Variants in FHL2 observed in about 807,000 individuals in gnomAD.
FHL2 encodes the protein four and a half LIM domains protein 2.
Under a neutral mutation model 32.7 loss-of-function variants are expected in FHL2, and 20 were observed. The observed-to-expected ratio is 0.61, with a 90% CI of 0.43 to 0.89. The LOEUF is 0.89. FHL2 is among the 40% of genes least tolerant of loss of function. FHL2 has a pLI of 0.00. For synonymous variants in FHL2, 123 were observed against 128.1 expected, an observed-to-expected ratio of 0.96 and a Z score of 0.27; for missense variants, 311 against 358.6, an observed-to-expected ratio of 0.87 and a Z score of 1.07.
At chr2:105,383,297 G>A (rs183561731) in intron 3 of FHL2, among the ~76,000 whole-genome samples, 1 of 152,338 alleles carries the variant, frequency 6.6e-6, no homozygotes, top group Admixed American at 6.5e-5. Flanking sequence ...AGGTATCCAA[G>A]AAAAGGTTCA....
chr2:105,385,379 A>ATGCATG (rs1682228273), intron 3 of FHL2, among the ~76,000 whole-genome samples: 1 of 152,244 alleles, frequency 6.6e-6, no homozygotes, highest in Admixed American at 6.5e-5. Context: ...ATCCAACTGC[A>ATGCATG]TGCATGGCCT....
intron 4 of FHL2, among the ~76,000 whole-genome samples, chr2:105,372,473 CCTT>C (rs1306819814): frequency 6.6e-6 from 1 of 152,176 alleles, no homozygotes; most frequent in African/African-American, 2.4e-5. Flanking sequence ...GATCCGCCCT[CCTT>C]AGCCTTGCAA....
At chr2:105,395,206 A>G (rs900717775) in intron 2 of FHL2, among the ~76,000 whole-genome samples, 4 of 152,228 alleles carry the variant, frequency 2.6e-5, no homozygotes, top group Non-Finnish European at 4.4e-5. Context: ...CTCAAAACAC[A>G]TCAATTGCAG....
intron 1 of FHL2, among the ~76,000 whole-genome samples, chr2:105,429,054 T>TTATA (rs778817962): frequency 2.0e-5 from 3 of 152,232 alleles, no homozygotes; most frequent in Non-Finnish European, 2.9e-5. Flanking sequence ...CGTCCTATAC[T>TTATA]GCAGAGGAGA....
intron 4 of FHL2, among the ~76,000 whole-genome samples, chr2:105,369,424 T>C (rs1680865420): frequency 6.6e-6 from 1 of 152,208 alleles, no homozygotes; most frequent in South Asian, 2.1e-4. Flanking sequence ...ACGATTGTTA[T>C]TTAGGATCAT....
chr2:105,438,319 G>A (rs2104692785), intron 1 of FHL2: 2 of 966,574 alleles, frequency 2.1e-6, no homozygotes, highest in Non-Finnish European at 1.2e-6. Flanking sequence ...GCAACAAGAT[G>A]CCTACAGAGC....
intron 6 of FHL2, among the ~76,000 whole-genome samples, 184 bp from the exon 7 acceptor site, chr2:105,361,618 T>C (rs1309191427): frequency 6.6e-6 from 1 of 152,176 alleles, no homozygotes; most frequent in Non-Finnish European, 1.5e-5. Flanking sequence ...GCCTGGAGGA[T>C]CTCGTGAATA....
chr2:105,398,147 C>A (rs1457741113), intron 1 of FHL2, among the ~76,000 whole-genome samples: 1 of 152,018 alleles, frequency 6.6e-6, no homozygotes, highest in Admixed American at 6.6e-5. Context: ...TTCAGCTAAC[C>A]GGATTAGCCT....
intron 4 of FHL2, among the ~76,000 whole-genome samples, chr2:105,371,632 A>G (rs1681076018): frequency 6.6e-6 from 1 of 151,590 alleles, no homozygotes; most frequent in Admixed American, 6.6e-5. Flanking sequence ...TTCTCTGGAG[A>G]ACGTGACTAA....
intron 1 of FHL2, among the ~76,000 whole-genome samples, chr2:105,428,028 C>T (rs1490079067): frequency 6.6e-6 from 1 of 152,252 alleles, no homozygotes. Flanking sequence ...TGATTTCTAA[C>T]ACTGTGATGC....
upstream of FHL2, among the ~76,000 whole-genome samples, chr2:105,401,311 G>A (rs1348608506): frequency 5.9e-5 from 9 of 151,990 alleles, no homozygotes; most frequent in African/African-American, 2.2e-4. Context: ...GCCTGGAGTT[G>A]TTTCAAAATA....
At chr2:105,399,667 T>A, upstream of FHL2, 1 of 1,477,522 alleles carries the variant, frequency 6.8e-7, no homozygotes, top group Non-Finnish European at 8.9e-7. Flanking sequence ...AAAACCAAAG[T>A]GAGCTGGGAG....
At chr2:105,381,447 G>A (rs35288431) in intron 3 of FHL2, among the ~76,000 whole-genome samples, 6 of 152,222 alleles carry the variant, frequency 3.9e-5, no homozygotes, top group Admixed American at 6.5e-5. Context: ...TGTCCCCTTC[G>A]CGCAGCTTGT....
chr2:105,375,952 T>G (rs1003598670), intron 3 of FHL2: 1 of 152,132 alleles, frequency 6.6e-6, no homozygotes, highest in African/African-American at 2.4e-5. Flanking sequence ...ACAAACTGCT[T>G]TGATTTGAGT....
intron 4 of FHL2, among the ~76,000 whole-genome samples, chr2:105,371,653 C>T (rs1205633660): frequency 6.6e-6 from 1 of 151,900 alleles, no homozygotes; most frequent in African/African-American, 2.4e-5. Flanking sequence ...CACAGAAAGT[C>T]AAGACAGGTG....
At chr2:105,403,015 C>T (rs1347366898), upstream of FHL2, among the ~76,000 whole-genome samples, 1 of 152,188 alleles carries the variant, frequency 6.6e-6, no homozygotes, top group African/African-American at 2.4e-5. Context: ...CCAGTAACTA[C>T]AAAACTTCCC....
chr2:105,364,051 G>A (rs150875123), intron 5 of FHL2, among the ~76,000 whole-genome samples: 1,610 of 152,276 alleles, frequency 0.011, 30 homozygotes, highest in African/African-American at 0.037. Context: ...GAGGTCAGGA[G>A]TTCGAGACCA....
chr2:105,379,946 T>TA, intron 3 of FHL2, among the ~76,000 whole-genome samples: 1 of 152,326 alleles, frequency 6.6e-6, no homozygotes, highest in South Asian at 2.1e-4. Context: ...CGTAGGTAAC[T>TA]AATTATGCCA....
chr2:105,425,825 G>T (rs1018348452), intron 1 of FHL2, among the ~76,000 whole-genome samples: 10 of 151,288 alleles, frequency 6.6e-5, no homozygotes, highest in African/African-American at 2.4e-4. Context: ...TTATTATCAC[G>T]CTGCTCTCCT....
Sources: gnomAD v4.1 joint callset for allele counts (sites outside exome capture counted in the v4.1 genomes callset) on GRCh38, gnomAD v4.1.1 for gene constraint, MANE v1.5 for transcripts, NCBI Gene and HGNC (gene_info 2026-07-23, HGNC 2026-07-21) for gene names.